PATJ: variants seen among roughly 807,000 people sequenced by gnomAD.
The protein encoded by PATJ is inaD-like protein.
PATJ carries 190 observed loss-of-function variants against 224.9 expected under a neutral mutation model. The ratio of observed to expected loss-of-function variants is 0.84; its 90% CI spans 0.75 to 0.95. The LOEUF is 0.95. Among genes scored for constraint, PATJ ranks in the 40% least tolerant of loss-of-function variants. The pLI, the probability that PATJ is intolerant of heterozygous loss-of-function variation, is 0.00. For missense variants in PATJ, 2,121 were observed against 2,270.3 expected, an observed-to-expected ratio of 0.93 and a Z score of 1.34; for synonymous variants, 769 against 820.3, an observed-to-expected ratio of 0.94 and a Z score of 1.07.
At chr1:62,049,917 G>A (rs1274823992) in intron 30 of PATJ, among the ~76,000 whole-genome samples, 6 of 151,942 alleles carry the variant, frequency 3.9e-5, no homozygotes, top group East Asian at 1.9e-4. Flanking sequence ...TCAGGAGTTC[G>A]AGACCAGCCT....
chr1:62,139,873 C>T (rs1256124001), intron 41 of PATJ, among the ~76,000 whole-genome samples: 2 of 151,762 alleles, frequency 1.3e-5, no homozygotes, highest in African/African-American at 2.4e-5. Context: ...GATCATCCCA[C>T]CTCAGCCTCC....
At chr1:61,947,870 T>C (rs1679002288) in intron 27 of PATJ, among the ~76,000 whole-genome samples, 1 of 152,150 alleles carries the variant, frequency 6.6e-6, no homozygotes, top group African/African-American at 2.4e-5. Flanking sequence ...AACAGAGATA[T>C]AGACCAATGG....
rs902912635 is a variant in PATJ at position 61,766,472 on chromosome 1, A to G, written c.383A>G (p.Gln128Arg). ...DFNSVIQQMA[Q>R]GRQIEYIDIE... ...AACTCAGTCATTCAACAGATGGCTC[A>G]GGTAAAGTTGTATCTTCTCATGGAA... The change falls in exon 4 of 44, where the codon CAG (glutamine) becomes CGG (arginine). Residue 128 changes from glutamine to arginine, a missense_variant and splice_region_variant. Gln to Arg is a conservative substitution (Grantham distance 43). Coordinates refer to ENST00000642238, the MANE Select transcript of PATJ (RefSeq NM_001350145.3). 6.3e-7 allele frequency: 1 copy of G among 1,582,506 alleles called. No homozygotes were observed. Among genetic ancestry groups the G allele is most frequent in the African/African-American group, 1.4e-5 (1 of 73,518 alleles).
intron 33 of PATJ, among the ~76,000 whole-genome samples, chr1:62,106,780 C>T (rs1276476988): frequency 6.6e-6 from 1 of 152,140 alleles, no homozygotes; most frequent in Admixed American, 6.5e-5. Context: ...CCTATAAGAT[C>T]TCTCAAGTCC....
chr1:62,158,446 A>G lies in PATJ; in HGVS notation c.5503-2462A>G, dbSNP rs989176072. Among the ~76,000 whole-genome samples the G allele has an allele frequency of 5.4e-5, 8 of 148,376 alleles. 2 individuals are homozygous for G. The highest frequency in any genetic ancestry group is 2.3e-4 in the South Asian group (1 of 4,402). ...TCAAGAGTTCGAGACCAGGCCGGTC[A>G]CGGTGGCTCACACCTGTAATCCCAG... On this transcript the variant is annotated intron_variant, in intron 43 of 43. Coordinates refer to ENST00000642238, the MANE Select transcript of PATJ (RefSeq NM_001350145.3).
At chr1:61,827,689 C>CT in intron 16 of PATJ, 106 bp downstream of exon 16, 8 of 1,040,082 alleles carry the variant, frequency 7.7e-6, no homozygotes, top group South Asian at 2.6e-5. Flanking sequence ...CCACTCTGCT[C>CT]TTTTTTTGCT....
At chr1:61,941,034 G>A (rs1677743925) in intron 27 of PATJ, among the ~76,000 whole-genome samples, 2 of 152,178 alleles carry the variant, frequency 1.3e-5, no homozygotes, top group Non-Finnish European at 2.9e-5. Flanking sequence ...GATCAAAGGT[G>A]GATATGCCAT....
intron 27 of PATJ, among the ~76,000 whole-genome samples, chr1:61,980,281 T>C (rs1644379237): frequency 6.6e-6 from 1 of 151,894 alleles, no homozygotes; most frequent in Non-Finnish European, 1.5e-5. Context: ...TGAGACCCTG[T>C]GTCAAAAAAA....
intron 41 of PATJ, among the ~76,000 whole-genome samples, chr1:62,138,724 A>G (rs1667199565): frequency 6.6e-6 from 1 of 152,200 alleles, no homozygotes; most frequent in Non-Finnish European, 1.5e-5. Flanking sequence ...GACATGAGAG[A>G]AAAGTTTGCT....
At chr1:61,776,268 G>A (rs750688353) in intron 7 of PATJ, among the ~76,000 whole-genome samples, 2 of 152,132 alleles carry the variant, frequency 1.3e-5, no homozygotes, top group Non-Finnish European at 2.9e-5. Context: ...CCTTGCAGGT[G>A]GTCTGTGAGA....
chr1:61,795,041 A>G (rs1454785364), intron 9 of PATJ, among the ~76,000 whole-genome samples: 1 of 149,860 alleles, frequency 6.7e-6, no homozygotes, highest in Non-Finnish European at 1.5e-5. Context: ...TGAAGCTAAC[A>G]TGAGCAGTGA....
At chr1:61,775,914 A>G (rs1646886741) in intron 7 of PATJ, among the ~76,000 whole-genome samples, 1 of 152,234 alleles carries the variant, frequency 6.6e-6, no homozygotes, top group Non-Finnish European at 1.5e-5. Context: ...TTGACTCTGA[A>G]GCCACGTAAT....
chr1:62,023,391 T>C (rs182032720), intron 29 of PATJ, among the ~76,000 whole-genome samples: 4 of 152,314 alleles, frequency 2.6e-5, no homozygotes, highest in African/African-American at 9.6e-5. Flanking sequence ...TTAACTTTCA[T>C]AAAGAAACAT....
At chr1:61,759,788 C>T (rs1373723132) in intron 1 of PATJ, among the ~76,000 whole-genome samples, 1 of 152,126 alleles carries the variant, frequency 6.6e-6, no homozygotes. Flanking sequence ...ACATCTTTGT[C>T]CCCCTTTGCC....
intron 33 of PATJ, among the ~76,000 whole-genome samples, chr1:62,089,981 G>A (rs988270465): frequency 6.6e-6 from 1 of 152,134 alleles, no homozygotes; most frequent in Non-Finnish European, 1.5e-5. Context: ...CTTCTTTGTT[G>A]TGTGTCCAAA....
At chr1:62,124,795 A>G (rs1665499191) in intron 39 of PATJ, among the ~76,000 whole-genome samples, 1 of 152,090 alleles carries the variant, frequency 6.6e-6, no homozygotes, top group Non-Finnish European at 1.5e-5. Flanking sequence ...CTTTTCTTAT[A>G]AGGACACCAG....
chr1:62,039,921 G>C (rs923001105), intron 30 of PATJ, among the ~76,000 whole-genome samples: 3 of 151,714 alleles, frequency 2.0e-5, no homozygotes, highest in Admixed American at 6.6e-5. Flanking sequence ...CATATCTCTC[G>C]AGGCAGTCTC....
rs1050391002 is a variant in PATJ at position 62,148,133 on chromosome 1, A to T, written c.5272-151A>T. ...GAGACACTGTCTTTAAAAAAAAAAA[A>T]AAAAAAAAGTTTGAGAGAATAGTCC... On this transcript the variant is annotated intron_variant, in intron 41 of 43. Transcript: ENST00000642238. 10 of 500,672 alleles carry T rather than the reference A, an allele frequency of 2.0e-5. 1 individual carries two copies. Among genetic ancestry groups the T allele is most frequent in the African/African-American group, 1.5e-4 (8 of 52,252 alleles). The allele number at this position is 500,672 out of a possible 1,614,324, so 31.0% of individuals were successfully genotyped here. A position where few individuals can be genotyped will look rare whatever the true frequency, so the allele number is the denominator to read the frequency against.
intron 26 of PATJ, among the ~76,000 whole-genome samples, chr1:61,926,458 C>T (rs970069385): frequency 1.3e-5 from 2 of 152,080 alleles, no homozygotes; most frequent in Non-Finnish European, 2.9e-5. Flanking sequence ...TGTCTTTGTT[C>T]TGAGTATTGT....
Sources: gnomAD v4.1 joint callset for allele counts (sites outside exome capture counted in the v4.1 genomes callset) on GRCh38, gnomAD v4.1.1 for gene constraint, MANE v1.5 for transcripts, NCBI Gene and HGNC (gene_info 2026-07-23, HGNC 2026-07-21) for gene names.